GATA6: variants seen among roughly 807,000 people sequenced by gnomAD.
The protein encoded by GATA6 is transcription factor GATA-6.
In GATA6, 11 loss-of-function variants were observed where a neutral mutation model predicts 48.1. The observed-to-expected ratio is 0.23, with a 90% confidence interval of 0.14 to 0.38. GATA6 has a LOEUF of 0.38. Among genes scored for constraint, GATA6 ranks in the 10% least tolerant of loss-of-function variants. The probability of loss-of-function intolerance (pLI) is 1.00; values close to 1 mark genes in which losing one functional copy is unlikely to be tolerated. For missense variants in GATA6, 795 were observed against 850.3 expected, an observed-to-expected ratio of 0.93 and a Z score of 0.81; for synonymous variants, 419 against 396.1, an observed-to-expected ratio of 1.06 and a Z score of -0.69.
chr18:22,184,556 G>A (rs1190380218), intron 6 of GATA6, among the ~76,000 whole-genome samples: 1 of 151,774 alleles, frequency 6.6e-6, no homozygotes, highest in African/African-American at 2.4e-5. Flanking sequence ...GTGCAGTGGC[G>A]CAATCTCGGC....
chr18:22,172,067 C>A lies in GATA6; in HGVS notation c.923C>A (p.Pro308His), dbSNP rs2033059401. The change falls in exon 2 of 7, where the codon CCC (proline) becomes CAC (histidine). Residue 308 changes from proline (P) to histidine (H), a missense_variant. Pro to His is a moderately conservative substitution (Grantham distance 77, BLOSUM62 -2). This residue lies in a region of GATA6 where 591 missense variants were observed against 570.0 expected (regional missense o/e 1.04). Coordinates refer to ENST00000269216, the MANE Select transcript of GATA6 (RefSeq NM_005257.6). The surrounding 1 kb of genome is among the most constrained non-coding windows in gnomAD (Gnocchi z 5.2). Reference protein sequence around the residue: ...SSLAAMGGREPQYSSLSAARP... With the variant: ...SSLAAMGGREHQYSSLSAARP... ...CTGGCGGCCATGGGCGGCCGCGAGC[C>A]CCAGTACAGCTCGCTGTCGGCCGCG... The A allele has an allele frequency of 2.1e-6, 3 of 1,437,398 alleles. No homozygotes were observed. Among genetic ancestry groups the A allele is most frequent in the Non-Finnish European group, 2.7e-6 (3 of 1,101,634 alleles). 89.0% of individuals were successfully genotyped at this position (1,437,398 alleles called of 1,614,324 possible). A position where few individuals can be genotyped will look rare whatever the true frequency, so the allele number is the denominator to read the frequency against.
At chr18:22,195,411 T>C (rs1307929916) in intron 6 of GATA6, among the ~76,000 whole-genome samples, 1 of 152,202 alleles carries the variant, frequency 6.6e-6, no homozygotes, top group Non-Finnish European at 1.5e-5. Flanking sequence ...GTCCCTCAAG[T>C]GCCTTGTGTT....
intron 6 of GATA6, among the ~76,000 whole-genome samples, chr18:22,197,117 T>C (rs888717296): frequency 6.6e-6 from 1 of 150,404 alleles, no homozygotes; most frequent in African/African-American, 2.5e-5. Flanking sequence ...TTCACTTTTG[T>C]TGCCCAGACT....
intron 6 of GATA6, among the ~76,000 whole-genome samples, chr18:22,183,372 A>T (rs1157775682): frequency 1.3e-5 from 2 of 152,178 alleles, no homozygotes; most frequent in Admixed American, 1.3e-4. Context: ...ATATGTGTAT[A>T]TTTATGTATT....
At chr18:22,191,030 CTCGTGTGTGTGTGT>C (rs2033320803) in intron 6 of GATA6, among the ~76,000 whole-genome samples, 1 of 101,090 alleles carries the variant, frequency 9.9e-6, no homozygotes, top group African/African-American at 4.5e-5. Flanking sequence ...TTTTTTAAAT[CTCGTGTGTGTGTGT>C]GTGTGTGTGT....
At position 22,171,211 on chromosome 18, in the gene GATA6, G is replaced by T; in HGVS notation, c.67G>T (p.Asp23Tyr). Reference sequence around the variant, plus strand: ...CGGGGCCGCGGGTGCGGACGCCAGCGACTCCAGAGCCTTTCCAGCGCGGGA... The same window carrying T: ...CGGGGCCGCGGGTGCGGACGCCAGCTACTCCAGAGCCTTTCCAGCGCGGGA... ...RFGAAGADASDSRAFPAREPS... is the reference protein window; with the variant it reads ...RFGAAGADASYSRAFPAREPS... Residue 23 changes from aspartate (D) to tyrosine (Y), a missense_variant, in exon 2 of 7, where the codon GAC becomes TAC. Coordinates refer to ENST00000269216, the MANE Select transcript of GATA6 (RefSeq NM_005257.6). The surrounding 1 kb of genome is among the most constrained non-coding windows in gnomAD (Gnocchi z 7.1). 1.3e-6 allele frequency: 2 copies of T among 1,599,594 alleles called. No homozygotes were observed. Among genetic ancestry groups the T allele is most frequent in the Non-Finnish European group, 1.7e-6 (2 of 1,179,482 alleles).
chr18:22,174,691 T>C (rs2033099162), intron 2 of GATA6, among the ~76,000 whole-genome samples: 2 of 151,788 alleles, frequency 1.3e-5, no homozygotes, highest in South Asian at 2.1e-4. Flanking sequence ...ACAGGTATTC[T>C]GAGGCCAGCT....
rs1184456764 is a variant in GATA6 at position 22,171,903 on chromosome 18, C to T, written c.759C>T (p.Gly253=). The T allele has an allele frequency of 9.5e-6, 11 of 1,157,596 alleles. No homozygotes were observed. The highest frequency in any genetic ancestry group is 1.2e-5 in the Non-Finnish European group (11 of 941,492). The allele number at this position is 1,157,596 out of a possible 1,614,324, so 71.7% of individuals were successfully genotyped here. A position where few individuals can be genotyped will look rare whatever the true frequency, so the allele number is the denominator to read the frequency against. ...GGGAAGPGGA[G]SAAAHVSARF... is the part of the protein sequence containing the mutation. ...GGGCCGCGGGGCCTGGCGGCGCTGG[C>T]TCAGCCGCGGCGCACGTCTCGGCGC... Residue 253 remains glycine, a synonymous_variant, in exon 2 of 7, where the codon GGC becomes GGT. Transcript: ENST00000269216. The surrounding 1 kb of genome is among the most constrained non-coding windows in gnomAD (Gnocchi z 7.1).
At position 22,172,354 on chromosome 18, in the gene GATA6, C is replaced by CGAG; in HGVS notation, c.1135+75_1135+76insGAG. ...CACGGGGGACGTGGAGCAGCTGCTC[C>CGAG]ACTCGGGCCCTGTTTTCAGGACTTT... is the stretch of plus-strand genomic sequence containing the variant. On this transcript the variant is annotated intron_variant, in intron 2 of 6. Transcript: ENST00000269216. The surrounding 1 kb of genome is among the most constrained non-coding windows in gnomAD (Gnocchi z 5.2). 1 of 1,495,934 alleles carries CGAG rather than the reference C, an allele frequency of 6.7e-7. No homozygotes were observed. The highest frequency in any genetic ancestry group is 8.9e-7 in the Non-Finnish European group (1 of 1,123,336). The allele number at this position is 1,495,934 out of a possible 1,614,324, so 92.7% of individuals were successfully genotyped here. A position where few individuals can be genotyped will look rare whatever the true frequency, so the allele number is the denominator to read the frequency against.
At position 22,171,799 on chromosome 18, in the gene GATA6, G is replaced by T. The variant is rs2033053980; in HGVS notation, c.655G>T (p.Ala219Ser). ...TGGGCCAGCCAACCACGCGGGCGGCGCGGGCGCGCACCCCGGCTGGCCTCA... is the reference window on the plus strand; with the variant it reads ...TGGGCCAGCCAACCACGCGGGCGGCTCGGGCGCGCACCCCGGCTGGCCTCA... ...GSGPANHAGG[A>S]GAHPGWPQAS... Residue 219 changes from alanine (A) to serine (S), a missense_variant, in exon 2 of 7, where the codon GCG becomes TCG. Transcript: ENST00000269216. This position sits in a 1 kb window ranked among gnomAD's most constrained non-coding sequence, Gnocchi z 7.1. The T allele has an allele frequency of 1.5e-6, 2 of 1,302,572 alleles. No homozygotes were observed. The highest frequency in any genetic ancestry group is 4.2e-5 in the Admixed American group (1 of 23,566). The allele number at this position is 1,302,572 out of a possible 1,614,324, so 80.7% of individuals were successfully genotyped here.
intron 6 of GATA6, among the ~76,000 whole-genome samples, chr18:22,191,509 C>T (rs1207801540): frequency 2.6e-5 from 4 of 152,100 alleles, no homozygotes; most frequent in Admixed American, 6.5e-5. Context: ...AAAACGAATT[C>T]CTTTACTGGA....
rs1187892537 is a variant in GATA6 at position 22,179,681 on chromosome 18, G to A, written c.1303-1772G>A. Among the ~76,000 whole-genome samples the A allele has an allele frequency of 4.6e-5, 7 of 151,982 alleles. No homozygotes were observed. The East Asian group carries it at 1.3e-3, about 29-fold the overall frequency. On this transcript the variant is annotated intron_variant, in intron 3 of 6. Coordinates refer to ENST00000269216, the MANE Select transcript of GATA6 (RefSeq NM_005257.6). ...AAAATTATTTTCTTTTAACCACAAA[G>A]AAAGAAAAAAGAAAAGCCTGGATGT...
Position 22,171,312 on chromosome 18 carries a change from C to T in GATA6, c.168C>T (p.Gly56=). The T allele has an allele frequency of 6.3e-7, 1 of 1,589,640 alleles. No individual in the cohort carries two copies. Among genetic ancestry groups the T allele is most frequent in the Non-Finnish European group, 8.5e-7 (1 of 1,174,564 alleles). ...GGGGCGGAGAGCGGGGCCCCGGCGG[C>T]GCCAGCAACTGCGGGACGCCTCAGC... ...CSRGGERGPG[G]ASNCGTPQLD... Residue 56 remains glycine, a synonymous_variant, in exon 2 of 7, where the codon GGC becomes GGT. Transcript: ENST00000269216. The surrounding 1 kb of genome is among the most constrained non-coding windows in gnomAD (Gnocchi z 7.1).
At chr18:22,194,192 T>A (rs1442509097) in intron 6 of GATA6, among the ~76,000 whole-genome samples, 1 of 152,206 alleles carries the variant, frequency 6.6e-6, no homozygotes, top group Non-Finnish European at 1.5e-5. Context: ...TTTACTCCTT[T>A]AAGAGGGAGT....
Position 22,187,975 on chromosome 18 carries a change from G to A in GATA6, c.1620+4932G>A, listed in dbSNP as rs537357959. 1.5e-4 allele frequency among the ~76,000 whole-genome samples: 23 copies of A among 152,110 alleles called. No homozygotes were observed. In the South Asian group the frequency reaches 4.4e-3, roughly 29 times the overall value. On this transcript the variant is annotated intron_variant, in intron 6 of 6. Coordinates refer to ENST00000269216, the MANE Select transcript of GATA6 (RefSeq NM_005257.6). Reference sequence around the variant, plus strand: ...AATTAGGCCAGGTGCAGTGGCTCACGCCTGTAATCCCAGTTCTTTGGGAGA... The same window carrying A: ...AATTAGGCCAGGTGCAGTGGCTCACACCTGTAATCCCAGTTCTTTGGGAGA...
chr18:22,196,291 G>GC (rs2033388052), intron 6 of GATA6, among the ~76,000 whole-genome samples: 1 of 152,156 alleles, frequency 6.6e-6, no homozygotes, highest in Non-Finnish European at 1.5e-5. Flanking sequence ...AGGTCTGTCT[G>GC]CCCTTTGATA....
chr18:22,193,726 C>T (rs2033354710), intron 6 of GATA6, among the ~76,000 whole-genome samples: 1 of 152,220 alleles, frequency 6.6e-6, no homozygotes, highest in Admixed American at 6.5e-5. Flanking sequence ...GCAGTGTTTT[C>T]TTTCCTCAGA....
chr18:22,182,478 C>T (rs1299772328), intron 4 of GATA6, among the ~76,000 whole-genome samples: 1 of 152,062 alleles, frequency 6.6e-6, no homozygotes, highest in Non-Finnish European at 1.5e-5. Context: ...CTGCCTTAGC[C>T]TCCCAAGTAG....
rs1384766149 is a variant in GATA6, at chr18:22,171,130, G to C, written c.-15G>C. On this transcript the variant is annotated 5_prime_UTR_variant, in exon 2 of 7. Transcript: ENST00000269216. This position sits in a 1 kb window ranked among gnomAD's most constrained non-coding sequence, Gnocchi z 7.1. ...CAGGAGCTAGACGTCAGCTTGGAGC[G>C]GCGCCGGACCGTGGATGGCCTTGAC... 6.9e-6 allele frequency: 11 copies of C among 1,598,870 alleles called. No individual in the cohort carries two copies. Among genetic ancestry groups the C allele is most frequent in the Non-Finnish European group, 9.3e-6 (11 of 1,179,092 alleles).
Sources: allele counts gnomAD v4.1 joint callset (sites outside exome capture counted in the v4.1 genomes callset), GRCh38; gene constraint gnomAD v4.1.1; regional missense constraint gnomAD v4.1.1; non-coding constraint Gnocchi (gnomAD v3.1); transcripts MANE v1.5; gene names NCBI Gene and HGNC (gene_info 2026-07-23, HGNC 2026-07-21).